Variants in PPM1A observed in about 807,000 individuals in gnomAD.
PPM1A encodes the protein protein phosphatase 1A.
In PPM1A, 7 loss-of-function variants were observed where a neutral mutation model predicts 35.0. The observed-to-expected ratio is 0.20, with a 90% CI of 0.11 to 0.38. PPM1A has a LOEUF of 0.38. PPM1A is among the 10% of genes least tolerant of loss of function. The probability of loss-of-function intolerance (pLI) is 1.00; values close to 1 mark genes in which losing one functional copy is unlikely to be tolerated. For synonymous variants in PPM1A, 153 were observed against 167.3 expected (o/e 0.91, Z 0.66); for missense variants, 239 against 467.8 (o/e 0.51, Z 4.51).
chr14:60,255,633 A>G (rs550911488), intron 1 of PPM1A, among the ~76,000 whole-genome samples: 4 of 152,366 alleles, frequency 2.6e-5, no homozygotes, highest in East Asian at 1.9e-4. Context: ...AGCAAAATCT[A>G]CCTGGAGTGA....
At chr14:60,254,276 T>TAAGACGTA (rs11281135) in intron 1 of PPM1A, among the ~76,000 whole-genome samples, 70,864 of 151,610 alleles carry the variant, frequency 0.47, 20,188 homozygotes, top group African/African-American at 0.81. Context: ...GACTAAAAGT[T>TAAGACGTA]ATAGAAGAAA....
In PPM1A at chr14:60,296,832, T is replaced by C. The variant is rs1305833362; in HGVS notation, c.*4350T>C. On this transcript the variant is annotated 3_prime_UTR_variant, in exon 6 of 6. Transcript: ENST00000395076. This position sits in a 1 kb window ranked among gnomAD's most constrained non-coding sequence, Gnocchi z 4.4. ...AAATGATGAGAGGCATTGGTTCCAA[T>C]TCATTGTCAAATGAACGTTTTCTAA... The C allele has an allele frequency of 3.1e-6, 1 of 317,722 alleles. No individual in the cohort carries two copies. The highest frequency in any genetic ancestry group is 5.8e-6 in the Non-Finnish European group (1 of 171,796). 19.7% of individuals were successfully genotyped at this position (317,722 alleles called of 1,614,324 possible). A position where few individuals can be genotyped will look rare whatever the true frequency, so the allele number is the denominator to read the frequency against.
In PPM1A at chr14:60,296,364, C is replaced by T. The variant is rs1236660256; in HGVS notation, c.*3882C>T. On this transcript the variant is annotated 3_prime_UTR_variant, in exon 6 of 6. Transcript: ENST00000395076. This position sits in a 1 kb window ranked among gnomAD's most constrained non-coding sequence, Gnocchi z 4.4. ...TTAATTTTGAATTTCATGGTATATA[C>T]TTTTAGTTCAAACTCAGCTGTTTGT... 2 of 172,482 alleles carry T rather than the reference C, an allele frequency of 1.2e-5. No individual in the cohort carries two copies. Among genetic ancestry groups the T allele is most frequent in the Non-Finnish European group, 2.4e-5 (2 of 82,048 alleles). The allele number at this position is 172,482 out of a possible 1,614,324, so 10.7% of individuals were successfully genotyped here.
chr14:60,255,074 C>G (rs868770343), intron 1 of PPM1A, among the ~76,000 whole-genome samples: 11 of 151,952 alleles, frequency 7.2e-5, no homozygotes, highest in Admixed American at 2.0e-4. Context: ...TTTCTTCTTC[C>G]ACAAAGTCAT....
intron 3 of PPM1A, chr14:60,286,174 C>G (rs934964067): frequency 9.8e-5 from 97 of 985,092 alleles, no homozygotes; most frequent in Non-Finnish European, 1.2e-4. Context: ...TTTTCAATAA[C>G]TTGAAAATCA....
rs1355462713 is a variant in PPM1A at position 60,257,706 on chromosome 14, G to A, written c.-21+8029G>A. The stretch of plus-strand genomic sequence containing the variant: ...ACCTTTTTCTTTATCATGACTAGTA[G>A]GATCACATCATAATTTGGTACTGTG... On this transcript the variant is annotated intron_variant, in intron 1 of 5. Coordinates refer to ENST00000395076, the MANE Select transcript of PPM1A (RefSeq NM_021003.5). Among the ~76,000 whole-genome samples the A allele has an allele frequency of 3.3e-5, 5 of 152,108 alleles. No homozygotes were observed. In the East Asian group the frequency reaches 9.6e-4, roughly 29 times the overall value.
At chr14:60,272,294 G>T (rs1885222293) in intron 1 of PPM1A, among the ~76,000 whole-genome samples, 1 of 151,392 alleles carries the variant, frequency 6.6e-6, no homozygotes. Context: ...GTAGATACTT[G>T]CTTGGCTGGA....
At chr14:60,290,293 T>C (rs1887495844) in intron 4 of PPM1A, among the ~76,000 whole-genome samples, 1 of 152,174 alleles carries the variant, frequency 6.6e-6, no homozygotes, top group Non-Finnish European at 1.5e-5. Flanking sequence ...CCTGAGTAAC[T>C]TAACACCCTG....
chr14:60,255,159 G>GTTTTTTT (rs869066455), intron 1 of PPM1A, among the ~76,000 whole-genome samples: 5 of 100,836 alleles, frequency 5.0e-5, no homozygotes, highest in Admixed American at 8.3e-5. Context: ...TCTATCATAT[G>GTTTTTTT]TTTTTTTTTT....
upstream of PPM1A, among the ~76,000 whole-genome samples, chr14:60,247,512 C>T (rs975867130): frequency 2.6e-5 from 4 of 151,538 alleles, no homozygotes; most frequent in African/African-American, 9.7e-5. Context: ...CGCCTGTAGT[C>T]CCAGCTACTC....
chr14:60,284,670 TTAA>T (rs1383092842), intron 2 of PPM1A, among the ~76,000 whole-genome samples: 4 of 144,750 alleles, frequency 2.8e-5, no homozygotes, highest in Non-Finnish European at 4.5e-5. Flanking sequence ...TGTTGAGGAA[TTAA>T]TGAGCGTATG....
At chr14:60,249,011 G>A (rs1009610500), upstream of PPM1A, among the ~76,000 whole-genome samples, 1 of 152,030 alleles carries the variant, frequency 6.6e-6, no homozygotes, top group Non-Finnish European at 1.5e-5. The surrounding 1 kb of genome is among the most constrained non-coding windows in gnomAD (Gnocchi z 4.5). Context: ...CAGCGGCAGA[G>A]AAAGAAGCTG....
At position 60,268,547 on chromosome 14, in the gene PPM1A, A is replaced by G. The variant is rs144016621; in HGVS notation, c.-20-14137A>G. The stretch of plus-strand genomic sequence containing the variant: ...ATAACATGTACTATAATTTTACGTA[A>G]TATATTCCTTCAGCTTTTATTTTAT... On this transcript the variant is annotated intron_variant, in intron 1 of 5. Transcript: ENST00000395076. 1.9e-3 allele frequency: 554 copies of G among 289,534 alleles called. 26 individuals carry two copies. In the East Asian group the frequency reaches 0.082, roughly 43 times the overall value. 17.9% of individuals were successfully genotyped at this position (289,534 alleles called of 1,614,324 possible).
At chr14:60,251,875 A>C (rs999302642) in intron 1 of PPM1A, among the ~76,000 whole-genome samples, 1 of 152,096 alleles carries the variant, frequency 6.6e-6, no homozygotes, top group Non-Finnish European at 1.5e-5. Context: ...TGGGAGACAA[A>C]GGGTGGTTGA....
In PPM1A at chr14:60,285,670, C is replaced by T. The variant is rs201811212; in HGVS notation, c.881C>T (p.Ala294Val). The T allele has an allele frequency of 1.2e-6, 2 of 1,613,924 alleles. No homozygotes were observed. The stretch of plus-strand genomic sequence containing the variant: ...GTGATTTTGATCTGTTTTCCAAATG[C>T]ACCCAAAGTATCGCCAGAAGCAGTG... ...MSVILICFPN[A>V]PKVSPEAVKK... The change falls in exon 3 of 6, where the codon GCA becomes GTA. Residue 294 changes from alanine (A) to valine (V), a missense_variant. By Grantham distance (64) the Ala-to-Val change is moderately conservative. Around this residue, in one of 2 missense-constraint regions of PPM1A, gnomAD observed 175 missense variants for 389.2 expected, o/e 0.45. Transcript: ENST00000395076.
chr14:60,249,256 C>G lies in PPM1A; in HGVS notation c.-442C>G, dbSNP rs1218513571. 18 of 980,242 alleles carry G rather than the reference C, an allele frequency of 1.8e-5. No homozygotes were observed. Among genetic ancestry groups the G allele is most frequent in the East Asian group, 1.2e-4 (1 of 8,310 alleles). 60.7% of individuals were successfully genotyped at this position (980,242 alleles called of 1,614,324 possible). On this transcript the variant is annotated 5_prime_UTR_variant, in exon 1 of 6. Coordinates refer to ENST00000395076, the MANE Select transcript of PPM1A (RefSeq NM_021003.5). This position sits in a 1 kb window ranked among gnomAD's most constrained non-coding sequence, Gnocchi z 4.5. ...GCGGCGGCGGTGGCGGCGCTAGGGA[C>G]GGGAGCGCGCGCGGGAGCTAGAGAG...
chr14:60,246,982 G>C (rs1881820667), upstream of PPM1A, among the ~76,000 whole-genome samples: 2 of 152,206 alleles, frequency 1.3e-5, no homozygotes, highest in Non-Finnish European at 2.9e-5. Flanking sequence ...GAAGCAGAAA[G>C]ATAGGCAGGC....
chr14:60,253,014 T>G (rs1184443692), intron 1 of PPM1A, among the ~76,000 whole-genome samples: 1 of 152,162 alleles, frequency 6.6e-6, no homozygotes, highest in Non-Finnish European at 1.5e-5. Context: ...CTTTATAATT[T>G]TTGTAAGGAA....
At chr14:60,258,525 G>C (rs961119634) in intron 1 of PPM1A, among the ~76,000 whole-genome samples, 1 of 151,960 alleles carries the variant, frequency 6.6e-6, no homozygotes, top group African/African-American at 2.4e-5. Context: ...TAATGATGTT[G>C]ATAAACTTTT....
Sources: allele counts gnomAD v4.1 joint callset (sites outside exome capture counted in the v4.1 genomes callset), GRCh38; gene constraint gnomAD v4.1.1; regional missense constraint gnomAD v4.1.1; non-coding constraint Gnocchi (gnomAD v3.1); transcripts MANE v1.5; gene names NCBI Gene and HGNC (gene_info 2026-07-23, HGNC 2026-07-21).